Variants in TCF7L1 observed in about 807,000 individuals in gnomAD.
The protein encoded by TCF7L1 is transcription factor 7 like 1.
In TCF7L1, 18 loss-of-function variants were observed where a neutral mutation model predicts 63.7. The ratio of observed to expected loss-of-function variants is 0.28; its 90% confidence interval spans 0.20 to 0.42. TCF7L1 has a LOEUF of 0.42. TCF7L1 is among the 10% of genes least tolerant of loss of function. The probability of loss-of-function intolerance (pLI) is 1.00; values close to 1 mark genes in which losing one functional copy is unlikely to be tolerated. For missense variants in TCF7L1, 654 were observed against 779.3 expected, an observed-to-expected ratio of 0.84 and a Z score of 1.91; for synonymous variants, 355 against 340.9, an observed-to-expected ratio of 1.04 and a Z score of -0.46.
At chr2:85,308,272 C>T (rs1274025576) in intron 11 of TCF7L1, among the ~76,000 whole-genome samples, 1 of 152,088 alleles carries the variant, frequency 6.6e-6, no homozygotes, top group Non-Finnish European at 1.5e-5. Context: ...GTCACGCCCC[C>T]CATCTCATGC....
chr2:85,152,671 G>A (rs1678046153), intron 3 of TCF7L1, among the ~76,000 whole-genome samples: 1 of 132,702 alleles, frequency 7.5e-6, no homozygotes. Context: ...TAGACCTCGG[G>A]TTATCTGCCC....
intron 3 of TCF7L1, among the ~76,000 whole-genome samples, chr2:85,239,396 G>A (rs1680273311): frequency 6.6e-6 from 1 of 152,114 alleles, no homozygotes; most frequent in Admixed American, 6.5e-5. Context: ...GCTGGGCACA[G>A]TGTGGACTGT....
intron 3 of TCF7L1, chr2:85,217,024 T>A (rs1367585369): frequency 6.6e-6 from 1 of 152,156 alleles, no homozygotes; most frequent in Non-Finnish European, 1.5e-5. Context: ...CCCTAGAACG[T>A]GGTGATTTAC....
At chr2:85,161,248 A>G (rs916461898) in intron 3 of TCF7L1, among the ~76,000 whole-genome samples, 1 of 152,144 alleles carries the variant, frequency 6.6e-6, no homozygotes, top group African/African-American at 2.4e-5. Flanking sequence ...CAGGTTCTCT[A>G]GTGGTTTGGA....
chr2:85,216,697 G>A (rs13396934), intron 3 of TCF7L1, among the ~76,000 whole-genome samples: 7,060 of 152,092 alleles, frequency 0.046, 455 homozygotes, highest in African/African-American at 0.12. Flanking sequence ...AGCAATTACC[G>A]AACAACTTCT....
At chr2:85,216,098 A>T (rs1360800144) in intron 3 of TCF7L1, among the ~76,000 whole-genome samples, 1 of 152,100 alleles carries the variant, frequency 6.6e-6, no homozygotes, top group East Asian at 1.9e-4. Context: ...TTGGGGCACC[A>T]AGTCCACTGC....
chr2:85,140,290 C>G (rs1677695885), intron 3 of TCF7L1, among the ~76,000 whole-genome samples: 1 of 152,122 alleles, frequency 6.6e-6, no homozygotes, highest in African/African-American at 2.4e-5. Context: ...GGGAGGAACC[C>G]TCGGTTTCAT....
intron 4 of TCF7L1, among the ~76,000 whole-genome samples, chr2:85,289,976 G>GTTT (rs11291687): frequency 1.4e-5 from 2 of 139,838 alleles, no homozygotes; most frequent in Non-Finnish European, 1.5e-5. Context: ...GCCTAGCCCA[G>GTTT]TTTTTTTTTT....
At chr2:85,157,383 A>T (rs1558618932) in intron 3 of TCF7L1, among the ~76,000 whole-genome samples, 1 of 152,254 alleles carries the variant, frequency 6.6e-6, no homozygotes, top group Non-Finnish European at 1.5e-5. Context: ...TTTAGTCCTC[A>T]GAATGACCCT....
chr2:85,268,106 A>G (rs979738367), intron 3 of TCF7L1, among the ~76,000 whole-genome samples: 1 of 152,198 alleles, frequency 6.6e-6, no homozygotes, highest in Admixed American at 6.5e-5. Flanking sequence ...GATATTGGTA[A>G]ATGTTTTTTA....
At chr2:85,291,315 A>G (rs1250393613) in intron 4 of TCF7L1, among the ~76,000 whole-genome samples, 3 of 152,244 alleles carry the variant, frequency 2.0e-5, no homozygotes, top group Admixed American at 6.5e-5. Context: ...ACCAAGCCAC[A>G]CCTTCAGCAC....
intron 3 of TCF7L1, among the ~76,000 whole-genome samples, chr2:85,172,372 C>T (rs1279853493): frequency 3.9e-5 from 6 of 152,236 alleles, no homozygotes; most frequent in Admixed American, 3.9e-4. Flanking sequence ...ACTCACTTGG[C>T]ACACTCTTGT....
chr2:85,243,363 C>G (rs867725341), intron 3 of TCF7L1, among the ~76,000 whole-genome samples: 1 of 152,060 alleles, frequency 6.6e-6, no homozygotes, highest in Non-Finnish European at 1.5e-5. Flanking sequence ...AACTCAGGTG[C>G]GGCTCTTAAG....
chr2:85,185,960 ATTTT>A (rs67142055), intron 3 of TCF7L1, among the ~76,000 whole-genome samples: 1 of 94,610 alleles, frequency 1.1e-5, no homozygotes, highest in African/African-American at 4.5e-5. Context: ...AACACAGGGG[ATTTT>A]TTTTTTTTTT....
chr2:85,135,937 G>A (rs1290955430), intron 3 of TCF7L1, among the ~76,000 whole-genome samples: 4 of 150,650 alleles, frequency 2.7e-5, no homozygotes, highest in Non-Finnish European at 5.9e-5. Flanking sequence ...TCAAAGGGGG[G>A]GGGGGATCAA....
chr2:85,170,351 T>C (rs1678519350), intron 3 of TCF7L1, among the ~76,000 whole-genome samples: 1 of 152,120 alleles, frequency 6.6e-6, no homozygotes, highest in Admixed American at 6.6e-5. Flanking sequence ...GGAGTAAAAG[T>C]CATACATATT....
intron 10 of TCF7L1, 120 bp from the exon 11 acceptor site, chr2:85,307,522 C>A (rs1682146722): frequency 1.3e-6 from 1 of 784,856 alleles, no homozygotes; most frequent in Non-Finnish European, 2.2e-6. Context: ...TCTCCACACT[C>A]TCCCTGAGGG....
chr2:85,183,961 A>T (rs1678859823), intron 3 of TCF7L1, among the ~76,000 whole-genome samples: 1 of 152,178 alleles, frequency 6.6e-6, no homozygotes, highest in African/African-American at 2.4e-5. Context: ...GTCAAGGGGC[A>T]TTTCAGCCAT....
chr2:85,184,054 G>T (rs573646842), intron 3 of TCF7L1, among the ~76,000 whole-genome samples: 23 of 152,350 alleles, frequency 1.5e-4, no homozygotes, highest in South Asian at 8.3e-4. Flanking sequence ...CTAGGCCTAA[G>T]TTCTCTCCTC....
Sources: allele counts gnomAD v4.1 joint callset (sites outside exome capture counted in the v4.1 genomes callset), GRCh38; gene constraint gnomAD v4.1.1; transcripts MANE v1.5; gene names NCBI Gene and HGNC (gene_info 2026-07-23, HGNC 2026-07-21).